MAPDA: variants seen among roughly 807,000 people sequenced by gnomAD.
MAPDA encodes N6-Methyl-AMP deaminase.
At chr15:43,345,918 G>C in the MAPDA span, 2 of 1,614,062 alleles carry the variant, frequency 1.2e-6, no homozygotes, top group Non-Finnish European at 1.7e-6. Flanking sequence ...AAAACTTGCC[G>C]AGGAGTTCTT....
At chr15:43,351,521 T>G in the MAPDA span, 1 of 514,002 alleles carries the variant, frequency 1.9e-6, no homozygotes, top group East Asian at 3.2e-5. Context: ...CTTTAAAAGC[T>G]CCTTAGGTAA....
At chr15:43,340,158 C>A in the MAPDA span, 1 of 984,632 alleles carries the variant, frequency 1.0e-6, no homozygotes, top group Non-Finnish European at 1.5e-6. Context: ...TCCAACATTA[C>A]TTGCAAATCA....
the MAPDA span, among the ~76,000 whole-genome samples, chr15:43,345,486 G>A: frequency 6.6e-6 from 1 of 152,230 alleles, no homozygotes; most frequent in Admixed American, 6.5e-5. Context: ...AAAGCAGGGT[G>A]GGAGGTGGGA....
the MAPDA span, among the ~76,000 whole-genome samples, chr15:43,350,691 G>A: frequency 2.6e-5 from 4 of 152,126 alleles, no homozygotes; most frequent in African/African-American, 9.7e-5. Context: ...AAGGAGAAGT[G>A]CATGGCTGTA....
At chr15:43,352,344 T>G in the MAPDA span, 1 of 157,932 alleles carries the variant, frequency 6.3e-6, no homozygotes, top group African/African-American at 2.4e-5. Context: ...CTAAACAGCT[T>G]TATATTTTAT....
At chr15:43,340,158 C>G in the MAPDA span, 2 of 984,516 alleles carry the variant, frequency 2.0e-6, no homozygotes, top group African/African-American at 1.6e-5. Context: ...TCCAACATTA[C>G]TTGCAAATCA....
chr15:43,349,678 G>A, the MAPDA span, among the ~76,000 whole-genome samples: 2 of 152,208 alleles, frequency 1.3e-5, no homozygotes, highest in Non-Finnish European at 1.5e-5. Context: ...CCTTTCTAAA[G>A]AAGGAAAAAG....
chr15:43,345,295 A>G, the MAPDA span, among the ~76,000 whole-genome samples: 3 of 150,050 alleles, frequency 2.0e-5, no homozygotes, highest in Admixed American at 6.7e-5. Context: ...CAGAGATTGT[A>G]GTGAGCCCGA....
the MAPDA span, chr15:43,349,028 A>G: frequency 6.2e-7 from 1 of 1,614,222 alleles, no homozygotes; most frequent in Non-Finnish European, 8.5e-7. Context: ...TTTGTGAGGC[A>G]ACATCGGATA....
At chr15:43,351,225 C>CT in the MAPDA span, 2 of 557,886 alleles carry the variant, frequency 3.6e-6, no homozygotes, top group Non-Finnish European at 6.3e-6. Context: ...ACTCGGGAGA[C>CT]TAAGGCAGGA....
the MAPDA span, chr15:43,330,699 T>C: frequency 1.6e-5 from 8 of 486,602 alleles, no homozygotes; most frequent in Non-Finnish European, 2.9e-5. Flanking sequence ...CGCTTGCGGC[T>C]GACCTTTCTT....
At chr15:43,343,013 T>C in the MAPDA span, 15 of 1,584,618 alleles carry the variant, frequency 9.5e-6, no homozygotes, top group Non-Finnish European at 1.3e-5. Flanking sequence ...AAAAGACTTA[T>C]GTGGAATCTA....
the MAPDA span, among the ~76,000 whole-genome samples, chr15:43,334,776 T>C: frequency 6.6e-6 from 1 of 150,994 alleles, no homozygotes; most frequent in African/African-American, 2.4e-5. Flanking sequence ...ACACCTCTTA[T>C]AAGCTTGAGG....
chr15:43,349,311 G>A, the MAPDA span: 1 of 1,171,166 alleles, frequency 8.5e-7, no homozygotes, highest in Non-Finnish European at 1.1e-6. Flanking sequence ...ATTTTTTAAA[G>A]GAATAAAGGG....
the MAPDA span, among the ~76,000 whole-genome samples, chr15:43,340,726 G>T: frequency 6.6e-6 from 1 of 152,152 alleles, no homozygotes; most frequent in Non-Finnish European, 1.5e-5. Flanking sequence ...TAAGTAAAAA[G>T]TAGTAAAATT....
At chr15:43,353,991 G>A in the MAPDA span, 3 of 152,172 alleles carry the variant, frequency 2.0e-5, no homozygotes, top group Admixed American at 1.3e-4. Context: ...AGAAGCACAG[G>A]TAAAACCACC....
the MAPDA span, among the ~76,000 whole-genome samples, chr15:43,337,153 G>C: frequency 6.6e-6 from 1 of 151,578 alleles, no homozygotes; most frequent in African/African-American, 2.4e-5. Flanking sequence ...GCGGGTGCCT[G>C]TAGTCCCAGC....
chr15:43,335,638 G>A, the MAPDA span: 1 of 1,527,964 alleles, frequency 6.5e-7, no homozygotes, highest in Non-Finnish European at 8.8e-7. Flanking sequence ...TTAAGTACTT[G>A]GTAAGATGCT....
chr15:43,343,236 A>G, the MAPDA span, among the ~76,000 whole-genome samples: 1 of 152,236 alleles, frequency 6.6e-6, no homozygotes. Flanking sequence ...TGAGAACACA[A>G]TTCTGAGTTT....
Sources: allele counts gnomAD v4.1 joint callset (sites outside exome capture counted in the v4.1 genomes callset), GRCh38; gene constraint gnomAD v4.1.1; transcripts MANE v1.5; gene names NCBI Gene and HGNC (gene_info 2026-07-23, HGNC 2026-07-21).